RPGRIP1: variants seen among roughly 807,000 people sequenced by gnomAD.
The protein encoded by RPGRIP1 is RPGR interacting protein 1, also known as X-linked retinitis pigmentosa GTPase regulator-interacting protein 1.
Under a neutral mutation model 157.9 loss-of-function variants are expected in RPGRIP1, and 128 were observed. The ratio of observed to expected loss-of-function variants is 0.81; its 90% CI spans 0.70 to 0.94. RPGRIP1 has a LOEUF of 0.94. RPGRIP1 is among the 40% of genes least tolerant of loss of function. The probability of loss-of-function intolerance (pLI) is 0.00; values close to 1 mark genes in which losing one functional copy is unlikely to be tolerated. For missense variants in RPGRIP1, 1,486 were observed against 1,545.8 expected, an observed-to-expected ratio of 0.96 and a Z score of 0.65; for synonymous variants, 554 against 571.6, an observed-to-expected ratio of 0.97 and a Z score of 0.44.
intron 6 of RPGRIP1, 38 bp downstream of exon 6, chr14:21,303,581 A>T (rs771366351): frequency 2.0e-6 from 3 of 1,465,432 alleles, no homozygotes; most frequent in Admixed American, 1.7e-5. Context: ...ACCAAAACGA[A>T]CTGAAAAAGC....
At chr14:21,315,450 T>G (rs1220523076) in intron 10 of RPGRIP1, among the ~76,000 whole-genome samples, 1 of 147,482 alleles carries the variant, frequency 6.8e-6, no homozygotes, top group African/African-American at 2.5e-5. Flanking sequence ...GAGCTTGCAG[T>G]GAGCCGAGAT....
At chr14:21,288,179 AC>A in intron 2 of RPGRIP1, 118 bp downstream of exon 2, 2 of 573,122 alleles carry the variant, frequency 3.5e-6, no homozygotes, top group South Asian at 2.3e-5. Flanking sequence ...CAGTCTTCTC[AC>A]TTTTTTTTTT....
At chr14:21,294,632 A>T (rs941064555) in intron 2 of RPGRIP1, 45 bp from the exon 3 acceptor site, 2 of 1,597,482 alleles carry the variant, frequency 1.3e-6, no homozygotes, top group Middle Eastern at 1.7e-4. Flanking sequence ...GGTTCAAAAA[A>T]TAGGTGTAAA....
intron 1 of RPGRIP1, among the ~76,000 whole-genome samples, chr14:21,285,489 G>A (rs8021010): frequency 6.6e-6 from 1 of 151,216 alleles, no homozygotes; most frequent in African/African-American, 2.4e-5. Flanking sequence ...CCTGTAGTCC[G>A]AGCTACTCAG....
chr14:21,309,803 T>A (rs1211415166), intron 7 of RPGRIP1, among the ~76,000 whole-genome samples: 1 of 149,506 alleles, frequency 6.7e-6, no homozygotes, highest in Non-Finnish European at 1.5e-5. Flanking sequence ...TCAAGATTAT[T>A]TGACCTTTTT....
chr14:21,345,178 C>A lies in RPGRIP1; in HGVS notation c.3598C>A (p.Gln1200Lys). 1 of 1,612,734 alleles carries A rather than the reference C, an allele frequency of 6.2e-7. No homozygotes were observed. The highest frequency in any genetic ancestry group is 2.2e-5 in the East Asian group (1 of 44,862). The change falls in exon 23 of 25, where the codon CAA (glutamine) becomes AAA (lysine). Residue 1200 changes from glutamine to lysine, a missense_variant. Transcript: ENST00000400017. ...RRFLFDMLNG[Q>K]DPDQGHLKFT... is the part of the protein sequence containing the mutation. ...GTTTCTGTTCGACATGCTGAATGGACAAGATCCTGATCAAGGACAGTAAGC... is the reference window on the plus strand; with the variant it reads ...GTTTCTGTTCGACATGCTGAATGGAAAAGATCCTGATCAAGGACAGTAAGC...
intron 16 of RPGRIP1, 166 bp from the exon 17 acceptor site, chr14:21,325,665 C>A: frequency 3.1e-6 from 2 of 654,286 alleles, no homozygotes; most frequent in Non-Finnish European, 5.2e-6. Context: ...CCTGAAATAA[C>A]TGCCAGAGCC....
intron 11 of RPGRIP1, among the ~76,000 whole-genome samples, chr14:21,319,325 G>T (rs1256580300): frequency 4.6e-5 from 7 of 152,150 alleles, no homozygotes; most frequent in Non-Finnish European, 1.0e-4. Context: ...ACATTGGGAG[G>T]CCGAGGCCAG....
In RPGRIP1 at chr14:21,303,438, T is replaced by A. The variant is rs1261268977; in HGVS notation, c.695T>A (p.Met232Lys). 18 of 1,613,770 alleles carry A rather than the reference T, an allele frequency of 1.1e-5. No homozygotes were observed. Among genetic ancestry groups the A allele is most frequent in the Non-Finnish European group, 1.4e-5 (17 of 1,179,874 alleles). The change falls in exon 6 of 25, where the codon ATG (methionine) becomes AAG (lysine). Residue 232 changes from methionine (M) to lysine (K), a missense_variant. By Grantham distance (95) the Met-to-Lys change is moderately conservative. Transcript: ENST00000400017. ...GCCCACATCATGGCCAGCAATACCA[T>A]GCAAGTGGAAGAGCCACCCAAGTCT... is the stretch of plus-strand genomic sequence containing the variant. The part of the protein sequence containing the change: ...NSAHIMASNT[M>K]QVEEPPKSPE...
chr14:21,319,008 C>T lies in RPGRIP1; in HGVS notation c.1307-1009C>T, dbSNP rs376441955. On this transcript the variant is annotated intron_variant, in intron 11 of 24. Transcript: ENST00000400017. ...CTTCATCTTACTACTTTTTCCTAGC[C>T]TGGACCTTAATATTTAGTTTTATCA... Among the ~76,000 whole-genome samples, 34 of 152,156 alleles carry T rather than the reference C, an allele frequency of 2.2e-4. 1 individual carries two copies. Among genetic ancestry groups the T allele is most frequent in the African/African-American group, 7.2e-4 (30 of 41,508 alleles).
intron 4 of RPGRIP1, among the ~76,000 whole-genome samples, chr14:21,302,029 G>A (rs7154575): frequency 0.56 from 85,270 of 151,942 alleles, 24,010 homozygotes; most frequent in South Asian, 0.68. Context: ...TATTTTATTA[G>A]TAAGTACTCA....
chr14:21,301,038 C>T lies in RPGRIP1; in HGVS notation c.291C>T (p.Leu97=), dbSNP rs1307121647. 6.2e-7 allele frequency: 1 copy of T among 1,612,606 alleles called. No individual in the cohort carries two copies. The highest frequency in any genetic ancestry group is 2.2e-5 in the East Asian group (1 of 44,858). The part of the protein sequence containing the change: ...DLRVAEEAAP[L]SETARRGQKA... Reference sequence around the variant, plus strand: ...GGGTCGCGGAGGAGGCGGCGCCGCTCTCGGAGACCGCAAGGCGCGGGCAGA... The same window carrying T: ...GGGTCGCGGAGGAGGCGGCGCCGCTTTCGGAGACCGCAAGGCGCGGGCAGA... Residue 97 remains leucine, a synonymous_variant, in exon 4 of 25, where the codon CTC becomes CTT. Transcript: ENST00000400017.
At chr14:21,290,320 T>C (rs1247655549) in intron 2 of RPGRIP1, among the ~76,000 whole-genome samples, 1 of 152,230 alleles carries the variant, frequency 6.6e-6, no homozygotes, top group Non-Finnish European at 1.5e-5. Flanking sequence ...CTTCACTTTC[T>C]CAGCAACACT....
At chr14:21,296,694 C>T (rs1034730507) in intron 3 of RPGRIP1, among the ~76,000 whole-genome samples, 9 of 151,916 alleles carry the variant, frequency 5.9e-5, no homozygotes, top group African/African-American at 1.9e-4. Flanking sequence ...CAGTGGCTCA[C>T]GCCTATAATC....
At chr14:21,349,845 C>T (rs1026778497) in intron 24 of RPGRIP1, among the ~76,000 whole-genome samples, 7 of 152,142 alleles carry the variant, frequency 4.6e-5, no homozygotes, top group African/African-American at 1.7e-4. Context: ...GTTTTAAAAA[C>T]ATTTGTATTT....
At chr14:21,336,163 A>G (rs1209910725) in intron 21 of RPGRIP1, among the ~76,000 whole-genome samples, 1 of 152,206 alleles carries the variant, frequency 6.6e-6, no homozygotes, top group Non-Finnish European at 1.5e-5. Context: ...GTGCTTGAGA[A>G]CTGCAGGAAA....
chr14:21,351,291 T>A lies in RPGRIP1; in HGVS notation c.*75T>A. 1 of 867,522 alleles carries A rather than the reference T, an allele frequency of 1.2e-6. No homozygotes were observed. The highest frequency in any genetic ancestry group is 1.9e-6 in the Non-Finnish European group (1 of 532,890). The allele number at this position is 867,522 out of a possible 1,614,324, so 53.7% of individuals were successfully genotyped here. ...AAAGTCTCTTATAAAGTTAGCTTGC[T>A]ATAACATGAATTTGGTTTACTGTGA... is the stretch of plus-strand genomic sequence containing the variant. On this transcript the variant is annotated 3_prime_UTR_variant, in exon 25 of 25. Transcript: ENST00000400017.
chr14:21,283,970 A>T (rs1880219510), intron 1 of RPGRIP1, among the ~76,000 whole-genome samples: 1 of 152,222 alleles, frequency 6.6e-6, no homozygotes, highest in East Asian at 1.9e-4. Context: ...ATGCGAAAGT[A>T]CTTAAACTTT....
At chr14:21,344,459 T>C (rs1885357141) in intron 22 of RPGRIP1, among the ~76,000 whole-genome samples, 1 of 152,218 alleles carries the variant, frequency 6.6e-6, no homozygotes, top group African/African-American at 2.4e-5. Context: ...GAGAATACGA[T>C]CAAATTCTCT....
Sources: gnomAD v4.1 joint callset for allele counts (sites outside exome capture counted in the v4.1 genomes callset) on GRCh38, gnomAD v4.1.1 for gene constraint, MANE v1.5 for transcripts, NCBI Gene and HGNC (gene_info 2026-07-23, HGNC 2026-07-21) for gene names.